Variants in ADCY5 observed in about 807,000 individuals in gnomAD.
The protein encoded by ADCY5 is adenylate cyclase type 5.
Under a neutral mutation model 119.7 loss-of-function variants are expected in ADCY5, and 30 were observed. That is an observed-to-expected ratio of 0.25 (90% confidence interval 0.19 to 0.34). ADCY5 has a LOEUF of 0.34. Among genes scored for constraint, ADCY5 ranks in the 10% least tolerant of loss-of-function variants. The probability of loss-of-function intolerance (pLI) is 1.00; values close to 1 mark genes in which losing one functional copy is unlikely to be tolerated. For missense variants in ADCY5, 1,324 were observed against 1,775.2 expected, an observed-to-expected ratio of 0.75 and a Z score of 4.57; for synonymous variants, 753 against 762.2, an observed-to-expected ratio of 0.99 and a Z score of 0.20.
chr3:123,373,571 C>T (rs914667709), intron 1 of ADCY5, among the ~76,000 whole-genome samples: 1 of 152,242 alleles, frequency 6.6e-6, no homozygotes, highest in Non-Finnish European at 1.5e-5. Context: ...GGAGTTAGGA[C>T]AGAGGTCCTT....
intron 1 of ADCY5, among the ~76,000 whole-genome samples, chr3:123,402,981 G>A (rs1944812473): frequency 6.6e-6 from 1 of 152,180 alleles, no homozygotes; most frequent in East Asian, 1.9e-4. Flanking sequence ...AAGGAAAGCA[G>A]TAAAGCATTC....
Position 123,286,492 on chromosome 3 carries a change from C to A in ADCY5, c.3657+193G>T, listed in dbSNP as rs1938774705. 6.6e-6 allele frequency among the ~76,000 whole-genome samples: 1 copy of A among 152,192 alleles called. No homozygotes were observed. On this transcript the variant is annotated intron_variant, in intron 20 of 20. Transcript: ENST00000462833. The surrounding 1 kb of genome is among the most constrained non-coding windows in gnomAD (Gnocchi z 4.2). Reference sequence around the variant, plus strand: ...CTCTGCAGAAGCCTGAAGATCTGTCCAAGGTGCTGAGGGCCTGAAACACAA... The same window carrying A: ...CTCTGCAGAAGCCTGAAGATCTGTCAAAGGTGCTGAGGGCCTGAAACACAA...
intron 1 of ADCY5, among the ~76,000 whole-genome samples, chr3:123,400,235 C>A (rs548561689): frequency 5.6e-4 from 85 of 152,286 alleles, no homozygotes; most frequent in African/African-American, 1.9e-3. Flanking sequence ...TGGATCACTG[C>A]TTTTACATCC....
intron 17 of ADCY5, among the ~76,000 whole-genome samples, chr3:123,292,777 GCAGT>G (rs1939237667): frequency 6.6e-6 from 1 of 152,278 alleles, no homozygotes; most frequent in African/African-American, 2.4e-5. Flanking sequence ...GAGGAGCCCT[GCAGT>G]CAGTTATTTG....
intron 14 of ADCY5, among the ~76,000 whole-genome samples, chr3:123,302,390 AGATGAT>A (rs1032107925): frequency 5.3e-5 from 8 of 152,268 alleles, no homozygotes; most frequent in African/African-American, 1.9e-4. Flanking sequence ...TTCTAAAATT[AGATGAT>A]GATGATGGCT....
chr3:123,394,326 T>C (rs767516972), intron 1 of ADCY5, among the ~76,000 whole-genome samples: 3 of 152,224 alleles, frequency 2.0e-5, no homozygotes, highest in Non-Finnish European at 4.4e-5. Flanking sequence ...GGGGATCTCA[T>C]TGTTTTTGAA....
chr3:123,409,456 TA>T (rs1944988311), intron 1 of ADCY5, among the ~76,000 whole-genome samples: 1 of 152,176 alleles, frequency 6.6e-6, no homozygotes, highest in African/African-American at 2.4e-5. Context: ...AGTCAGGGTC[TA>T]AAGGTGGGAT....
At chr3:123,434,345 T>C (rs1192267777) in intron 1 of ADCY5, among the ~76,000 whole-genome samples, 2 of 152,192 alleles carry the variant, frequency 1.3e-5, no homozygotes, top group Non-Finnish European at 2.9e-5. Context: ...CTGCATTAAA[T>C]TGTTTGGGGC....
intron 1 of ADCY5, among the ~76,000 whole-genome samples, chr3:123,392,889 G>A (rs1408325704): frequency 1.3e-5 from 2 of 152,044 alleles, no homozygotes; most frequent in Admixed American, 1.3e-4. Context: ...GCATCCACAG[G>A]AGGCCACCAC....
chr3:123,356,664 T>C (rs1943050550), intron 1 of ADCY5, among the ~76,000 whole-genome samples: 1 of 152,112 alleles, frequency 6.6e-6, no homozygotes. Flanking sequence ...TTAAATTAGA[T>C]TAAAAATGGA....
chr3:123,299,403 GA>G (rs995951514), intron 15 of ADCY5, among the ~76,000 whole-genome samples: 25 of 152,286 alleles, frequency 1.6e-4, no homozygotes, highest in African/African-American at 5.5e-4. Context: ...ATTTTACAAA[GA>G]AAAAATTATG....
chr3:123,297,183 C>A (rs1014148779), intron 16 of ADCY5, 170 bp downstream of exon 16: 5 of 1,330,010 alleles, frequency 3.8e-6, no homozygotes, highest in Non-Finnish European at 5.3e-6. Context: ...GCCTCTGCCC[C>A]CCGAGGACGC....
At chr3:123,346,138 A>G (rs930558682) in intron 3 of ADCY5, among the ~76,000 whole-genome samples, 8 of 152,116 alleles carry the variant, frequency 5.3e-5, no homozygotes, top group African/African-American at 1.7e-4. Flanking sequence ...CGTAGGTGTG[A>G]CCTCTCACTG....
chr3:123,337,568 G>A (rs558616842), intron 3 of ADCY5, among the ~76,000 whole-genome samples: 39 of 152,318 alleles, frequency 2.6e-4, no homozygotes, highest in Admixed American at 1.8e-3. Flanking sequence ...CGCCATTCCT[G>A]GGCTTGCAGC....
intron 1 of ADCY5, chr3:123,419,328 G>T: frequency 7.4e-6 from 3 of 407,058 alleles, no homozygotes; most frequent in Non-Finnish European, 1.0e-5. Flanking sequence ...CATCACTCTG[G>T]CTCATCTTCC....
intron 1 of ADCY5, among the ~76,000 whole-genome samples, chr3:123,413,366 C>T (rs981565987): frequency 2.6e-5 from 4 of 152,174 alleles, no homozygotes; most frequent in African/African-American, 9.7e-5. Context: ...GTGGGCTGGG[C>T]CCAAGGAAGG....
intron 3 of ADCY5, 36 bp from the exon 4 acceptor site, chr3:123,332,711 G>A (rs1159711624): frequency 1.5e-6 from 2 of 1,378,998 alleles, no homozygotes; most frequent in Non-Finnish European, 2.1e-6. Flanking sequence ...CCCTGCTATA[G>A]GCTGAATCTT....
In ADCY5 at chr3:123,296,112, G is replaced by C; in HGVS notation, c.3035C>G (p.Ala1012Gly). Residue 1012 changes from alanine (A) to glycine (G), a missense_variant, in exon 17 of 21, where the codon GCC becomes GGC. Physicochemically the swap from Ala to Gly is moderately conservative, Grantham distance 60. Around this residue, in one of 6 missense-constraint regions of ADCY5, gnomAD observed 14 missense variants for 24.4 expected, o/e 0.57. Transcript: ENST00000462833. ...YLHAQQVEST[A>G]RLDFLWKLQA... is the part of the protein sequence containing the mutation. Reference sequence around the variant, plus strand: ...CAGTTTCCAGAGGAAGTCGAGGCGGGCAGTGGACTCCACCTGCTGGGCGTG... The same window carrying C: ...CAGTTTCCAGAGGAAGTCGAGGCGGCCAGTGGACTCCACCTGCTGGGCGTG... The C allele has an allele frequency of 6.2e-7, 1 of 1,614,054 alleles. No individual in the cohort carries two copies.
rs752964082 is a variant in ADCY5, at chr3:123,320,787, A to G, written c.2089-16T>C. ...CTTCAAAGCCCTAGAAGAGAAGGAT[A>G]GAAAGAGAAAGAGAAGAGAATGAGA... On this transcript the variant is annotated splice_polypyrimidine_tract_variant and intron_variant, in intron 8 of 20. Transcript: ENST00000462833. 6.4e-7 allele frequency: 1 copy of G among 1,563,424 alleles called. No homozygotes were observed. The highest frequency in any genetic ancestry group is 1.4e-5 in the African/African-American group (1 of 73,958).
Sources: gnomAD v4.1 joint callset for allele counts (sites outside exome capture counted in the v4.1 genomes callset) on GRCh38, gnomAD v4.1.1 for gene constraint, gnomAD v4.1.1 regional missense constraint, Gnocchi (gnomAD v3.1) non-coding constraint, MANE v1.5 for transcripts, NCBI Gene and HGNC (gene_info 2026-07-23, HGNC 2026-07-21) for gene names.